Variants in CCSER1 observed in about 807,000 individuals in gnomAD.
The protein encoded by CCSER1 is coiled-coil serine rich protein 1.
A neutral mutation model predicts 82.0 loss-of-function variants in CCSER1; 41 were observed. That is an observed-to-expected ratio of 0.50 (90% CI 0.39 to 0.65). The LOEUF (loss-of-function observed/expected upper bound fraction) is 0.65. Ranked by LOEUF, CCSER1 falls within the 30% of genes least tolerant of loss-of-function variation. The pLI is 0.00. For synonymous variants in CCSER1, 414 were observed against 383.9 expected, an observed-to-expected ratio of 1.08 and a Z score of -0.92; for missense variants, 1,119 against 1,064.2, an observed-to-expected ratio of 1.05 and a Z score of -0.72.
intron 7 of CCSER1, among the ~76,000 whole-genome samples, chr4:90,757,290 C>T (rs1391540420): frequency 6.6e-6 from 1 of 152,152 alleles, no homozygotes; most frequent in African/African-American, 2.4e-5. Flanking sequence ...AAAGCAGAAA[C>T]AGAAACCAAA....
At chr4:91,466,139 A>T (rs1487063016) in intron 10 of CCSER1, among the ~76,000 whole-genome samples, 1 of 152,194 alleles carries the variant, frequency 6.6e-6, no homozygotes, top group Non-Finnish European at 1.5e-5. Flanking sequence ...GGAGCACGTC[A>T]AAAAGCTTAT....
At chr4:91,177,586 G>A (rs1307146194) in intron 10 of CCSER1, among the ~76,000 whole-genome samples, 2 of 152,096 alleles carry the variant, frequency 1.3e-5, no homozygotes, top group East Asian at 3.9e-4. Context: ...ATTTCTTTTA[G>A]ATTTTCTAGT....
chr4:90,844,201 AATAT>A (rs370614612), intron 8 of CCSER1, among the ~76,000 whole-genome samples: 1 of 150,352 alleles, frequency 6.7e-6, no homozygotes, highest in Non-Finnish European at 1.5e-5. Context: ...ATAGATTGAG[AATAT>A]ATATATATAT....
intron 8 of CCSER1, among the ~76,000 whole-genome samples, chr4:90,834,405 A>G (rs1034397894): frequency 2.0e-5 from 3 of 152,224 alleles, no homozygotes; most frequent in African/African-American, 7.2e-5. Context: ...GCTAGATGCT[A>G]CTTGATTTAA....
chr4:90,209,287 GCCTT>G (rs1347741502), intron 1 of CCSER1, among the ~76,000 whole-genome samples: 1 of 152,184 alleles, frequency 6.6e-6, no homozygotes, highest in African/African-American at 2.4e-5. Context: ...CCCTAGTCAA[GCCTT>G]GCACAGAGGA....
At chr4:90,248,600 T>C (rs72877735) in intron 1 of CCSER1, among the ~76,000 whole-genome samples, 6,624 of 152,240 alleles carry the variant, frequency 0.044, 376 homozygotes, top group African/African-American at 0.13. Flanking sequence ...TCTCCGATGC[T>C]ACTTCTCTGC....
intron 8 of CCSER1, among the ~76,000 whole-genome samples, chr4:90,900,094 G>GTTTTTT (rs70963096): frequency 9.8e-5 from 10 of 102,156 alleles, no homozygotes; most frequent in South Asian, 3.2e-4. Context: ...TGGTCCCAGA[G>GTTTTTT]TTTTTTTTTT....
chr4:90,378,316 T>C (rs1478837180), intron 3 of CCSER1, among the ~76,000 whole-genome samples: 2 of 152,190 alleles, frequency 1.3e-5, no homozygotes, highest in African/African-American at 4.8e-5. Context: ...GTCAGAATTT[T>C]ATGTTAACAA....
intron 1 of CCSER1, among the ~76,000 whole-genome samples, chr4:90,250,169 C>T (rs1722140941): frequency 6.6e-6 from 1 of 152,014 alleles, no homozygotes; most frequent in African/African-American, 2.4e-5. Context: ...ATATTTTCTT[C>T]CATTCTCTGG....
intron 10 of CCSER1, among the ~76,000 whole-genome samples, chr4:91,162,606 G>A (rs1731542817): frequency 6.6e-6 from 1 of 152,144 alleles, no homozygotes; most frequent in Admixed American, 6.6e-5. Context: ...CTCAATTTCA[G>A]AGCCTGTTAC....
intron 10 of CCSER1, among the ~76,000 whole-genome samples, chr4:91,199,519 C>T (rs1379119356): frequency 6.6e-6 from 1 of 151,870 alleles, no homozygotes; most frequent in Non-Finnish European, 1.5e-5. Context: ...ATATGATTGA[C>T]ATTAAAGGTA....
At chr4:90,536,933 G>C (rs977278901) in intron 5 of CCSER1, among the ~76,000 whole-genome samples, 19 of 152,154 alleles carry the variant, frequency 1.2e-4, no homozygotes, top group African/African-American at 4.6e-4. Context: ...GATATGTAGT[G>C]AATTTTCTCG....
At chr4:91,029,067 G>T (rs1740741218) in intron 9 of CCSER1, among the ~76,000 whole-genome samples, 1 of 151,994 alleles carries the variant, frequency 6.6e-6, no homozygotes, top group South Asian at 2.1e-4. Flanking sequence ...TAAATGCATT[G>T]AATAAATTCA....
intron 10 of CCSER1, among the ~76,000 whole-genome samples, chr4:91,486,319 T>G (rs540498172): frequency 6.6e-6 from 1 of 152,074 alleles, no homozygotes; most frequent in South Asian, 2.1e-4. Flanking sequence ...TAGCATGTAG[T>G]CCTCTTGGTA....
chr4:91,175,262 G>A (rs887514105), intron 10 of CCSER1, among the ~76,000 whole-genome samples: 9 of 152,122 alleles, frequency 5.9e-5, no homozygotes, highest in African/African-American at 2.2e-4. Context: ...TTGCTATTGT[G>A]AATAGTGCCG....
intron 10 of CCSER1, among the ~76,000 whole-genome samples, chr4:91,317,300 A>G (rs1252664637): frequency 6.6e-6 from 1 of 151,980 alleles, no homozygotes; most frequent in Non-Finnish European, 1.5e-5. Context: ...TTATTCCAAC[A>G]CATCCCTATA....
At chr4:90,217,386 A>G (rs1261937549) in intron 1 of CCSER1, among the ~76,000 whole-genome samples, 1 of 151,978 alleles carries the variant, frequency 6.6e-6, no homozygotes, top group Non-Finnish European at 1.5e-5. Flanking sequence ...TTTAGTAGAA[A>G]CAGGGTTTCA....
At chr4:91,386,721 T>C (rs1751311668) in intron 10 of CCSER1, among the ~76,000 whole-genome samples, 1 of 152,068 alleles carries the variant, frequency 6.6e-6, no homozygotes, top group Non-Finnish European at 1.5e-5. Flanking sequence ...CAATGAACTT[T>C]GTTTCTGCAT....
intron 9 of CCSER1, among the ~76,000 whole-genome samples, chr4:90,952,458 G>A (rs1316998492): frequency 6.6e-6 from 1 of 151,882 alleles, no homozygotes; most frequent in Non-Finnish European, 1.5e-5. Context: ...GAATTATCCT[G>A]CCCACCAGGT....
Sources: allele counts gnomAD v4.1 joint callset (sites outside exome capture counted in the v4.1 genomes callset), GRCh38; gene constraint gnomAD v4.1.1; transcripts MANE v1.5; gene names NCBI Gene and HGNC (gene_info 2026-07-23, HGNC 2026-07-21).